Variants in RBM4 observed in about 807,000 individuals in gnomAD.
RBM4 encodes the protein RNA-binding protein 4.
A neutral mutation model predicts 29.5 loss-of-function variants in RBM4; 7 were observed. The observed-to-expected ratio is 0.24, with a 90% confidence interval of 0.14 to 0.45. RBM4 has a LOEUF of 0.45. RBM4 is among the 20% of genes least tolerant of loss of function. RBM4 has a pLI of 1.00. For missense variants in RBM4, 387 were observed against 502.3 expected, an observed-to-expected ratio of 0.77 and a Z score of 2.19; for synonymous variants, 220 against 205.4, an observed-to-expected ratio of 1.07 and a Z score of -0.61.
At chr11:66,639,265 C>T (rs1285265797) in intron 1 of RBM4, 1 of 167,764 alleles carries the variant, frequency 6.0e-6, no homozygotes, top group Non-Finnish European at 1.3e-5. Context: ...TTACAAGGCC[C>T]ATTTTCCCGG....
At chr11:66,641,921 G>A (rs568761417) in intron 2 of RBM4, among the ~76,000 whole-genome samples, 2 of 152,138 alleles carry the variant, frequency 1.3e-5, no homozygotes, top group Non-Finnish European at 2.9e-5. Context: ...AGAACCAACA[G>A]ATCCTTAGAT....
intron 2 of RBM4, among the ~76,000 whole-genome samples, chr11:66,641,485 CTTAA>C (rs1401773023): frequency 6.6e-6 from 1 of 152,082 alleles, no homozygotes; most frequent in Non-Finnish European, 1.5e-5. Context: ...TTGTCAACAA[CTTAA>C]TTGAGAGCAA....
chr11:66,666,152 CT>C, exon 3 of RBM4: 1 of 753,984 alleles, frequency 1.3e-6, no homozygotes. Flanking sequence ...AGTAGTTCCC[CT>C]AATTGACCAA....
chr11:66,661,708 A>G (rs1939086393), intron 2 of RBM4, among the ~76,000 whole-genome samples: 1 of 152,174 alleles, frequency 6.6e-6, no homozygotes, highest in African/African-American at 2.4e-5. Flanking sequence ...ACAATATGCA[A>G]TTTATCATAT....
At chr11:66,642,836 A>G (rs1938526754) in intron 2 of RBM4, among the ~76,000 whole-genome samples, 1 of 152,206 alleles carries the variant, frequency 6.6e-6, no homozygotes, top group African/African-American at 2.4e-5. Flanking sequence ...TAAAGGGCCC[A>G]GTTAAGGGAG....
At chr11:66,657,325 CTATGTTGCCCA>C (rs1416022922) in intron 2 of RBM4, among the ~76,000 whole-genome samples, 1 of 151,578 alleles carries the variant, frequency 6.6e-6, no homozygotes, top group East Asian at 1.9e-4. Context: ...TGGGGTCTCC[CTATGTTGCCCA>C]GGCTGGTTAG....
downstream of RBM4, among the ~76,000 whole-genome samples, chr11:66,650,247 C>T (rs575670434): frequency 1.3e-5 from 2 of 152,330 alleles, no homozygotes; most frequent in African/African-American, 4.8e-5. Flanking sequence ...TGGAATTTAA[C>T]TTGATGTTAA....
Position 66,643,409 on chromosome 11 carries a change from C to A in RBM4, c.413-41C>A, listed in dbSNP as rs1358694393. 3.2e-6 allele frequency: 5 copies of A among 1,568,110 alleles called. No individual in the cohort carries two copies. Among genetic ancestry groups the A allele is most frequent in the African/African-American group, 1.3e-5 (1 of 74,154 alleles). ...TCTGGGGTAGGGGCTGGGGCTATGA[C>A]TAAGAGTGATAGCAACCCTTCTTGC... On this transcript the variant is annotated intron_variant, in intron 2 of 3. Transcript: ENST00000310092. This position sits in a 1 kb window ranked among gnomAD's most constrained non-coding sequence, Gnocchi z 6.1.
At position 66,646,011 on chromosome 11, in the gene RBM4, T is replaced by C. The variant is rs1938677156; in HGVS notation, c.*9-16T>C. The C allele has an allele frequency of 6.5e-7, 1 of 1,536,004 alleles. No individual in the cohort carries two copies. Among genetic ancestry groups the C allele is most frequent in the Admixed American group, 2.0e-5 (1 of 50,976 alleles). ...TGAGCTTTGCTGTAAAGCCGCTGTATTGTGCTCTCTTTCAGGTGGGATGTG... is the reference window on the plus strand; with the variant it reads ...TGAGCTTTGCTGTAAAGCCGCTGTACTGTGCTCTCTTTCAGGTGGGATGTG... On this transcript the variant is annotated splice_polypyrimidine_tract_variant and intron_variant, in intron 3 of 3. Transcript: ENST00000310092.
rs1306645400 is a variant in RBM4, at chr11:66,643,927, C to G, written c.890C>G (p.Thr297Ser). 1.2e-6 allele frequency: 2 copies of G among 1,613,528 alleles called. No homozygotes were observed. The highest frequency in any genetic ancestry group is 1.7e-6 in the Non-Finnish European group (2 of 1,179,980). The change falls in exon 3 of 4, where the codon ACT becomes AGT. Residue 297 changes from threonine (T) to serine (S), a missense_variant. Around this residue, in one of 2 missense-constraint regions of RBM4, gnomAD observed 281 missense variants for 288.7 expected, o/e 0.97. Transcript: ENST00000310092. The surrounding 1 kb of genome is among the most constrained non-coding windows in gnomAD (Gnocchi z 6.1). ...GCAGCAGCAGCCGCTGCTGCTGTTA[C>G]TGCAGCTTCCACTTCATATTACGGG... ...AAAAAAAAAVTAASTSYYGRD... is the reference protein window; with the variant it reads ...AAAAAAAAAVSAASTSYYGRD...
intron 2 of RBM4, among the ~76,000 whole-genome samples, chr11:66,663,040 A>T (rs1333667633): frequency 6.6e-6 from 1 of 152,240 alleles, no homozygotes; most frequent in East Asian, 1.9e-4. Context: ...AGTATAAAAT[A>T]TGTGAGGTAA....
intron 2 of RBM4, among the ~76,000 whole-genome samples, chr11:66,658,936 CA>C (rs58622757): frequency 0.52 from 73,828 of 141,148 alleles, 20,514 homozygotes; most frequent in South Asian, 0.7. Flanking sequence ...GAGTGTCTCT[CA>C]AAAAAAAAAA....
intron 2 of RBM4, among the ~76,000 whole-genome samples, chr11:66,662,898 A>T (rs1939111626): frequency 6.6e-6 from 1 of 152,164 alleles, no homozygotes; most frequent in Admixed American, 6.5e-5. Context: ...GGGAATACTG[A>T]CGCTAACATG....
downstream of RBM4, among the ~76,000 whole-genome samples, chr11:66,648,125 G>C (rs1938746225): frequency 6.6e-6 from 1 of 152,144 alleles, no homozygotes; most frequent in Non-Finnish European, 1.5e-5. Context: ...AGAATCGCTT[G>C]AACCCAGGAG....
At chr11:66,640,303 A>G (rs956244724) in intron 2 of RBM4, 180 bp downstream of exon 2, 8 of 801,498 alleles carry the variant, frequency 1.0e-5, no homozygotes, top group Non-Finnish European at 1.4e-5. Flanking sequence ...GCTTTACCTT[A>G]GGCAAATGTC....
intron 2 of RBM4, among the ~76,000 whole-genome samples, chr11:66,657,300 A>C (rs1938968054): frequency 2.0e-5 from 3 of 150,098 alleles, no homozygotes; most frequent in East Asian, 4.0e-4. Context: ...TTTTATTTTT[A>C]TCTTTTGGTA....
At chr11:66,660,716 C>T (rs964681749) in intron 2 of RBM4, among the ~76,000 whole-genome samples, 1 of 150,374 alleles carries the variant, frequency 6.7e-6, no homozygotes, top group Admixed American at 6.7e-5. Flanking sequence ...TGCAGTGGTG[C>T]GATCTCAGCT....
At chr11:66,645,433 G>T (rs1326974720) in intron 3 of RBM4, among the ~76,000 whole-genome samples, 3 of 152,128 alleles carry the variant, frequency 2.0e-5, no homozygotes, top group African/African-American at 7.2e-5. Context: ...CATTGGGTAG[G>T]CAGTCACTGA....
chr11:66,642,664 C>A (rs1333526474), intron 2 of RBM4, among the ~76,000 whole-genome samples: 1 of 152,198 alleles, frequency 6.6e-6, no homozygotes, highest in Non-Finnish European at 1.5e-5. Flanking sequence ...TCCTCAGGCA[C>A]GTTTTCTTCC....
Sources: allele counts gnomAD v4.1 joint callset (sites outside exome capture counted in the v4.1 genomes callset), GRCh38; gene constraint gnomAD v4.1.1; regional missense constraint gnomAD v4.1.1; non-coding constraint Gnocchi (gnomAD v3.1); transcripts MANE v1.5; gene names NCBI Gene and HGNC (gene_info 2026-07-23, HGNC 2026-07-21).